The following ATP2A3 variants were observed in gnomAD, a reference collection of about 807,000 sequenced individuals.
ATP2A3 encodes sarcoplasmic/endoplasmic reticulum calcium ATPase 3.
A neutral mutation model predicts 106.8 loss-of-function variants in ATP2A3; 61 were observed. That is an observed-to-expected ratio of 0.57 (90% CI 0.46 to 0.71). ATP2A3 has a LOEUF of 0.71. Among genes scored for constraint, ATP2A3 ranks in the 30% least tolerant of loss-of-function variants. The pLI, the probability that ATP2A3 is intolerant of heterozygous loss-of-function variation, is 0.00. For missense variants in ATP2A3, 1,201 were observed against 1,423.5 expected (o/e 0.84, Z 2.52); for synonymous variants, 611 against 609.3 (o/e 1.00, Z -0.04).
chr17:3,959,776 C>A (rs1012156617), intron 1 of ATP2A3, among the ~76,000 whole-genome samples: 4 of 152,232 alleles, frequency 2.6e-5, no homozygotes, highest in African/African-American at 9.6e-5. Context: ...GGACACCTGA[C>A]CTTGCTCTGC....
chr17:3,955,881 T>C lies in ATP2A3; in HGVS notation c.119-2171A>G, dbSNP rs1189047625. 6.9e-6 allele frequency among the ~76,000 whole-genome samples: 1 copy of C among 144,888 alleles called. No homozygotes were observed. The highest frequency in any genetic ancestry group is 1.5e-5 in the Non-Finnish European group (1 of 64,544). ...AGTTCTCCTTTCTCTTATTTTATTT[T>C]ATTTTATTTTTTTTTTTTGAGATGG... On this transcript the variant is annotated intron_variant, in intron 1 of 20. Transcript: ENST00000397041. This position sits in a 1 kb window ranked among gnomAD's most constrained non-coding sequence, Gnocchi z 4.2.
At chr17:3,931,040 T>C (rs1454327295) in intron 17 of ATP2A3, among the ~76,000 whole-genome samples, 1 of 151,626 alleles carries the variant, frequency 6.6e-6, no homozygotes, top group East Asian at 1.9e-4. Context: ...CTCGGGAGGC[T>C]GAGGCAGGAC....
Position 3,938,817 on chromosome 17 carries a change from G to A in ATP2A3, c.2101-1181C>T, listed in dbSNP as rs184489447. ...CTCCGAAAGTGCTGGGATTACAGGC[G>A]TGAGCCACCGTGCCCGGCCAAGACT... On this transcript the variant is annotated intron_variant, in intron 14 of 20. Transcript: ENST00000397041. Among the ~76,000 whole-genome samples the A allele has an allele frequency of 1.4e-4, 22 of 152,222 alleles. No homozygotes were observed. In the East Asian group the frequency reaches 3.5e-3, roughly 24 times the overall value.
chr17:3,952,533 G>A (rs1387465179), intron 3 of ATP2A3, among the ~76,000 whole-genome samples: 2 of 152,188 alleles, frequency 1.3e-5, no homozygotes, highest in Admixed American at 1.3e-4. Context: ...AGGGGCTCCG[G>A]CAGCAGCACT....
intron 17 of ATP2A3, among the ~76,000 whole-genome samples, chr17:3,931,687 A>G (rs2053105146): frequency 6.6e-6 from 1 of 151,848 alleles, no homozygotes; most frequent in South Asian, 2.1e-4. Flanking sequence ...ACGCCCGGCT[A>G]ATTTTTTGTA....
chr17:3,934,464 G>A (rs1256584189), intron 17 of ATP2A3, among the ~76,000 whole-genome samples: 5 of 150,956 alleles, frequency 3.3e-5, no homozygotes, highest in African/African-American at 7.3e-5. Context: ...AAGTACTTTG[G>A]CCTCCCAAAG....
rs1384348960 is a variant in ATP2A3 at position 3,941,521 on chromosome 17, C to T, written c.1679G>A (p.Arg560His). The T allele has an allele frequency of 5.0e-6, 8 of 1,613,940 alleles. No homozygotes were observed. Among genetic ancestry groups the T allele is most frequent in the Non-Finnish European group, 5.9e-6 (7 of 1,180,032 alleles). The change falls in exon 13 of 21, where the codon CGC (arginine) becomes CAC (histidine). Residue 560 changes from arginine (R) to histidine (H), a missense_variant. By Grantham distance (29) the Arg-to-His change is conservative (BLOSUM62 0). Coordinates refer to ENST00000397041, the MANE Select transcript of ATP2A3 (RefSeq NM_005173.4). ...GTCCCGGGTGGCCAGTGCCAGGCAGCGCAGCGTGTCTGAGCCTGAGCCCCA... is the reference window on the plus strand; with the variant it reads ...GTCCCGGGTGGCCAGTGCCAGGCAGTGCAGCGTGTCTGAGCCTGAGCCCCA... ...RDWGSGSDTL[R>H]CLALATRDAP...
In ATP2A3 at chr17:3,928,876, C is replaced by G; in HGVS notation, c.2863-96G>C. On this transcript the variant is annotated intron_variant, in intron 19 of 20. Coordinates refer to ENST00000397041, the MANE Select transcript of ATP2A3 (RefSeq NM_005173.4). This position sits in a 1 kb window ranked among gnomAD's most constrained non-coding sequence, Gnocchi z 6.1. ...CCTTATCCACCTGGGCTCTGATGGA[C>G]TCTTCATGAGCGCTCCTAAGAACCC... 2.1e-6 allele frequency: 2 copies of G among 952,268 alleles called. No homozygotes were observed. The highest frequency in any genetic ancestry group is 1.6e-6 in the Non-Finnish European group (1 of 618,016). The allele number at this position is 952,268 out of a possible 1,614,324, so 59.0% of individuals were successfully genotyped here. A position where few individuals can be genotyped will look rare whatever the true frequency, so the allele number is the denominator to read the frequency against.
At chr17:3,963,306 G>A (rs1261525887) in intron 1 of ATP2A3, among the ~76,000 whole-genome samples, 1 of 152,234 alleles carries the variant, frequency 6.6e-6, no homozygotes, top group Admixed American at 6.5e-5. Flanking sequence ...CACTCTGCCC[G>A]ATGCTGCGGG....
rs760957882 is a variant in ATP2A3 at position 3,950,681 on chromosome 17, G to A, written c.544+12C>T. On this transcript the variant is annotated intron_variant, in intron 6 of 20. Transcript: ENST00000397041. Reference sequence around the variant, plus strand: ...GGCCCACTAGGTCCCGGCCTCCTGGGGGGGGCCTCACCCGTCAGGATGGAC... The same window carrying A: ...GGCCCACTAGGTCCCGGCCTCCTGGAGGGGGCCTCACCCGTCAGGATGGAC... 22 of 1,613,804 alleles carry A rather than the reference G, an allele frequency of 1.4e-5. No individual in the cohort carries two copies. The highest frequency in any genetic ancestry group is 1.1e-4 in the East Asian group (5 of 44,890).
chr17:3,951,194 A>G, intron 5 of ATP2A3, 57 bp downstream of exon 5: 1 of 1,201,120 alleles, frequency 8.3e-7, no homozygotes, highest in Non-Finnish European at 1.1e-6. Flanking sequence ...AAATAAATAA[A>G]TAAAATAAAT....
intron 3 of ATP2A3, among the ~76,000 whole-genome samples, chr17:3,952,081 C>T (rs757313903): frequency 2.2e-4 from 33 of 152,146 alleles, no homozygotes; most frequent in Non-Finnish European, 4.1e-4. Context: ...ACCTGTGTGT[C>T]GGCAAGCCTA....
chr17:3,952,625 T>A (rs951423888), intron 3 of ATP2A3, among the ~76,000 whole-genome samples: 2 of 151,992 alleles, frequency 1.3e-5, no homozygotes, highest in African/African-American at 4.8e-5. Flanking sequence ...GGTCTTGCTT[T>A]GTTGCCCAGG....
chr17:3,926,114 G>A lies in ATP2A3; in HGVS notation c.2981-673C>T, dbSNP rs755802642. Among the ~76,000 whole-genome samples the A allele has an allele frequency of 1.1e-4, 17 of 152,066 alleles. No individual in the cohort carries two copies. The highest frequency in any genetic ancestry group is 4.2e-4 in the South Asian group (2 of 4,802). On this transcript the variant is annotated intron_variant, in intron 20 of 20. Transcript: ENST00000397041. This position sits in a 1 kb window ranked among gnomAD's most constrained non-coding sequence, Gnocchi z 4.6. The stretch of plus-strand genomic sequence containing the variant: ...AGCCAGGAGGTGGGGTGAGAGGACC[G>A]CCCCCAGCCCCCAGGGCTGACCCAG...
At chr17:3,939,786 T>TCAAAAAAAAAAAAAAAAAAAAAAAAAAA (rs1555558101) in intron 14 of ATP2A3, among the ~76,000 whole-genome samples, 1 of 50,492 alleles carries the variant, frequency 2.0e-5, no homozygotes, top group Non-Finnish European at 4.0e-5. Context: ...AGACTCTGTC[T>TCAAAAAAAAAAAAAAAAAAAAAAAAAAA]AAAAAAAAAA....
rs138704552 is a variant in ATP2A3, at chr17:3,942,653, G to A, written c.1498C>T (p.Pro500Ser). The change falls in exon 12 of 21, where the codon CCC becomes TCC. Residue 500 changes from proline (P) to serine (S), a missense_variant. By Grantham distance (74) the Pro-to-Ser change is moderately conservative. Around this residue, in one of 2 missense-constraint regions of ATP2A3, gnomAD observed 935 missense variants for 1,176.7 expected, o/e 0.79. Transcript: ENST00000397041. ...TGGCCAGTAGGGTGAGGGCGGGTGG[G>A]CGTGCAGTACACGGACATGGATTTC... is the stretch of plus-strand genomic sequence containing the variant. ...DRKSMSVYCT[P>S]TRPHPTGQGS... 30 of 1,613,260 alleles carry A rather than the reference G, an allele frequency of 1.9e-5. No homozygotes were observed. In the African/African-American group the frequency reaches 3.9e-4, roughly 21 times the overall value.
Position 3,928,680 on chromosome 17 carries a change from G to A in ATP2A3, c.2963C>T (p.Ser988Phe), listed in dbSNP as rs2052859022. ...CCACTCACCGTGCATGTGGTTCCGG[G>A]ACAGGTACTTGAGGGCCTCATCCAG... is the stretch of plus-strand genomic sequence containing the variant. ...ILLDEALKYL[S>F]RNHMHEEMSQ... Residue 988 changes from serine to phenylalanine, a missense_variant, in exon 20 of 21, where the codon TCC becomes TTC. Coordinates refer to ENST00000397041, the MANE Select transcript of ATP2A3 (RefSeq NM_005173.4). The surrounding 1 kb of genome is among the most constrained non-coding windows in gnomAD (Gnocchi z 6.1). The A allele has an allele frequency of 6.4e-7, 1 of 1,551,002 alleles. No individual in the cohort carries two copies. Among genetic ancestry groups the A allele is most frequent in the South Asian group, 1.2e-5 (1 of 84,078 alleles).
At chr17:3,941,769 CA>C (rs2053795116) in intron 12 of ATP2A3, 115 bp from the exon 13 acceptor site, 1 of 1,078,798 alleles carries the variant, frequency 9.3e-7, no homozygotes, top group African/African-American at 1.6e-5. Context: ...CCCAAGGGTA[CA>C]CACGCAAGGC....
In ATP2A3 at chr17:3,925,239, G is replaced by T; in HGVS notation, c.*183C>A. 1.1e-6 allele frequency: 1 copy of T among 893,832 alleles called. No individual in the cohort carries two copies. Among genetic ancestry groups the T allele is most frequent in the Non-Finnish European group, 1.7e-6 (1 of 574,312 alleles). The allele number at this position is 893,832 out of a possible 1,614,324, so 55.4% of individuals were successfully genotyped here. On this transcript the variant is annotated 3_prime_UTR_variant, in exon 21 of 21. Transcript: ENST00000397041. The surrounding 1 kb of genome is among the most constrained non-coding windows in gnomAD (Gnocchi z 4.2). ...TACAGACCTCCCAGGCCAGAAGGAA[G>T]TGGGGACAGAGACCCCAGGACGGGG...
Sources: allele counts gnomAD v4.1 joint callset (sites outside exome capture counted in the v4.1 genomes callset), GRCh38; gene constraint gnomAD v4.1.1; regional missense constraint gnomAD v4.1.1; non-coding constraint Gnocchi (gnomAD v3.1); transcripts MANE v1.5; gene names NCBI Gene and HGNC (gene_info 2026-07-23, HGNC 2026-07-21).